S100PBP: variants seen among roughly 807,000 people sequenced by gnomAD.
S100PBP encodes the protein S100P binding protein.
S100PBP carries 15 observed loss-of-function variants against 39.9 expected under a neutral mutation model. That is an observed-to-expected ratio of 0.38 (90% CI 0.25 to 0.58). S100PBP has a LOEUF of 0.58. S100PBP is among the 20% of genes least tolerant of loss of function. The probability of loss-of-function intolerance (pLI) is 0.70; values close to 1 mark genes in which losing one functional copy is unlikely to be tolerated. For missense variants in S100PBP, 504 were observed against 487.3 expected (o/e 1.03, Z -0.32); for synonymous variants, 178 against 180.3 (o/e 0.99, Z 0.10).
intron 5 of S100PBP, among the ~76,000 whole-genome samples, chr1:32,830,549 T>A (rs548730456): frequency 6.6e-6 from 1 of 152,316 alleles, no homozygotes; most frequent in African/African-American, 2.4e-5. Flanking sequence ...TCCTTCAAGT[T>A]GTGTTCTCCC....
At chr1:32,831,070 ACT>A (rs1297171557) in intron 5 of S100PBP, among the ~76,000 whole-genome samples, 2 of 95,980 alleles carry the variant, frequency 2.1e-5, no homozygotes, top group African/African-American at 9.3e-5. Context: ...ACAGAATGAG[ACT>A]CTGTCTCAAA....
At chr1:32,842,310 C>G (rs1274766673) in intron 5 of S100PBP, among the ~76,000 whole-genome samples, 2 of 143,652 alleles carry the variant, frequency 1.4e-5, no homozygotes, top group Non-Finnish European at 3.0e-5. Context: ...CATGGATATT[C>G]AATTGCTTCT....
chr1:32,844,789 G>A (rs961927963), intron 5 of S100PBP, among the ~76,000 whole-genome samples: 1 of 151,462 alleles, frequency 6.6e-6, no homozygotes, highest in Admixed American at 6.6e-5. Flanking sequence ...ATATATCTCT[G>A]TATAGATCTA....
intron 5 of S100PBP, among the ~76,000 whole-genome samples, chr1:32,852,302 G>T (rs1261046689): frequency 1.3e-5 from 2 of 150,790 alleles, no homozygotes; most frequent in Admixed American, 6.6e-5. Flanking sequence ...GACAGAGCAA[G>T]ACTCTGTCTC....
At chr1:32,825,508 T>TA (rs1230113608) in intron 2 of S100PBP, 79 bp downstream of exon 2, 1 of 152,336 alleles carries the variant, frequency 6.6e-6, no homozygotes, top group East Asian at 1.9e-4. Context: ...TGTTTTGTGT[T>TA]AAAGTGTAAA....
At chr1:32,839,859 G>T (rs1443155511) in intron 5 of S100PBP, among the ~76,000 whole-genome samples, 2 of 152,092 alleles carry the variant, frequency 1.3e-5, no homozygotes, top group East Asian at 3.8e-4. Flanking sequence ...TGTCACTGAG[G>T]TTGGAGTACA....
At chr1:32,843,695 C>T (rs1426405964) in intron 5 of S100PBP, among the ~76,000 whole-genome samples, 16 of 152,104 alleles carry the variant, frequency 1.1e-4, no homozygotes, top group East Asian at 5.8e-4. Context: ...TCAAGTGATC[C>T]GACCACCTTG....
intron 5 of S100PBP, chr1:32,836,472 C>A (rs1047084068): frequency 5.0e-5 from 43 of 858,786 alleles, no homozygotes; most frequent in East Asian, 2.4e-4. Flanking sequence ...TAGTAGCTAT[C>A]CTAAAGGGTG....
intron 5 of S100PBP, among the ~76,000 whole-genome samples, chr1:32,849,958 C>A (rs912808818): frequency 2.0e-5 from 3 of 152,102 alleles, no homozygotes; most frequent in African/African-American, 7.2e-5. Context: ...TATATATAAA[C>A]TAGCACATAG....
intron 3 of S100PBP, 29 bp from the exon 4 acceptor site, chr1:32,827,959 ACCTTT>A (rs762328756): frequency 2.2e-6 from 3 of 1,387,360 alleles, no homozygotes; most frequent in Non-Finnish European, 3.1e-6. Context: ...ACTAAGAATC[ACCTTT>A]CCTTTTGCAT....
intron 1 of S100PBP, chr1:32,818,933 G>A: frequency 6.6e-6 from 1 of 152,420 alleles, no homozygotes; most frequent in African/African-American, 2.4e-5. Context: ...GCTCTTGGCT[G>A]TACCTGTCAG....
upstream of S100PBP, chr1:32,817,199 G>C: frequency 1.9e-6 from 3 of 1,614,184 alleles, no homozygotes; most frequent in Non-Finnish European, 2.5e-6. Flanking sequence ...TGCAGGTTCC[G>C]GGTGATAAGG....
Position 32,856,173 on chromosome 1 carries a change from T to C in S100PBP, c.*135T>C, listed in dbSNP as rs1235828757. On this transcript the variant is annotated 3_prime_UTR_variant, in exon 7 of 7. Transcript: ENST00000373475. ...ACAAAATTTTTATTTAAAAAACTCG[T>C]CACCTTTTGGAAATGCCCATTGCCG... The C allele has an allele frequency of 3.6e-6, 2 of 562,516 alleles. No homozygotes were observed. The highest frequency in any genetic ancestry group is 6.5e-5 in the Admixed American group (2 of 30,900). 34.8% of individuals were successfully genotyped at this position (562,516 alleles called of 1,614,324 possible).
chr1:32,819,506 G>A (rs994902688), intron 1 of S100PBP, among the ~76,000 whole-genome samples: 1 of 152,232 alleles, frequency 6.6e-6, no homozygotes, highest in African/African-American at 2.4e-5. Context: ...AGAGGTTGCA[G>A]TGAGCCCAGA....
At chr1:32,821,426 G>A (rs1269497810) in intron 1 of S100PBP, among the ~76,000 whole-genome samples, 2 of 150,324 alleles carry the variant, frequency 1.3e-5, no homozygotes, top group African/African-American at 4.9e-5. Flanking sequence ...GGTTCAAACA[G>A]TTCCCCTGCC....
chr1:32,828,314 T>C (rs1251476315), intron 4 of S100PBP, among the ~76,000 whole-genome samples: 4 of 152,060 alleles, frequency 2.6e-5, no homozygotes, highest in Admixed American at 2.0e-4. Context: ...TTGACAGGGT[T>C]ATTTTGAAAG....
At position 32,826,466 on chromosome 1, in the gene S100PBP, A is replaced by G; in HGVS notation, c.367A>G (p.Ser123Gly). Residue 123 changes from serine to glycine, a missense_variant, in exon 3 of 7, where the codon AGT (serine) becomes GGT (glycine). Transcript: ENST00000373475. ...CAAACTACCTCAGCTAAGTACATCA[A>G]GTGGTCATGGACCAGCTCATACTAA... ...LFKLPQLSTSSGHGPAHTKPL... is the reference protein window; with the variant it reads ...LFKLPQLSTSGGHGPAHTKPL... The G allele has an allele frequency of 6.2e-7, 1 of 1,614,192 alleles. No individual in the cohort carries two copies. Among genetic ancestry groups the G allele is most frequent in the Non-Finnish European group, 8.5e-7 (1 of 1,180,026 alleles).
At position 32,857,308 on chromosome 1, in the gene S100PBP, G is replaced by A. The variant is rs1640850900; in HGVS notation, c.*1270G>A. The A allele has an allele frequency of 8.5e-6, 1 of 117,192 alleles. No homozygotes were observed. The allele number at this position is 117,192 out of a possible 1,614,324, so 7.3% of individuals were successfully genotyped here. On this transcript the variant is annotated 3_prime_UTR_variant, in exon 7 of 7. Coordinates refer to ENST00000373475, the MANE Select transcript of S100PBP (RefSeq NM_022753.4). ...GTCTTAATGGATGTCTTAGGAGTTG[G>A]TTATTCTCTCTTTTTTTTTTGAGAC...
At chr1:32,826,033 A>G in intron 2 of S100PBP, 65 bp from the exon 3 acceptor site, 1 of 1,074,124 alleles carries the variant, frequency 9.3e-7, no homozygotes. Context: ...ACCCACATAT[A>G]GTGGACTGGA....
Sources: allele counts gnomAD v4.1 joint callset (sites outside exome capture counted in the v4.1 genomes callset), GRCh38; gene constraint gnomAD v4.1.1; transcripts MANE v1.5; gene names NCBI Gene and HGNC (gene_info 2026-07-23, HGNC 2026-07-21).